Variants in ESRRG observed in about 807,000 individuals in gnomAD.
ESRRG encodes estrogen-related receptor gamma.
ESRRG carries 13 observed loss-of-function variants against 44.0 expected under a neutral mutation model. That is an observed-to-expected ratio of 0.30 (90% CI 0.19 to 0.47). The LOEUF is 0.47. ESRRG is among the 20% of genes least tolerant of loss of function. The pLI is 1.00. For missense variants in ESRRG, 395 were observed against 580.6 expected, an observed-to-expected ratio of 0.68 and a Z score of 3.29; for synonymous variants, 215 against 214.6, an observed-to-expected ratio of 1.00 and a Z score of -0.02.
intron 3 of ESRRG, among the ~76,000 whole-genome samples, chr1:216,622,969 G>A (rs2062524244): frequency 6.7e-6 from 1 of 148,252 alleles, no homozygotes; most frequent in African/African-American, 2.5e-5. Flanking sequence ...ATATCATCAT[G>A]TTTAAAATAT....
intron 3 of ESRRG, among the ~76,000 whole-genome samples, chr1:216,590,024 G>A (rs2149980652): frequency 6.6e-6 from 1 of 150,874 alleles, no homozygotes; most frequent in East Asian, 2.0e-4. Context: ...TGATATTACT[G>A]CAAGATAATA....
At chr1:216,863,804 C>G (rs1044009354) in intron 2 of ESRRG, 2 of 152,114 alleles carry the variant, frequency 1.3e-5, no homozygotes, top group Non-Finnish European at 2.9e-5. Flanking sequence ...ATAGACAGTA[C>G]CTATTTGCAG....
chr1:216,567,728 AT>A (rs1269632207), intron 4 of ESRRG, among the ~76,000 whole-genome samples: 1 of 152,220 alleles, frequency 6.6e-6, no homozygotes. Context: ...ATGTATTAAT[AT>A]GCTTATGCTT....
At chr1:216,894,455 A>G (rs1473850684) in intron 2 of ESRRG, among the ~76,000 whole-genome samples, 1 of 152,070 alleles carries the variant, frequency 6.6e-6, no homozygotes, top group African/African-American at 2.4e-5. Flanking sequence ...GGAGTGAATC[A>G]TCTATATTTA....
At chr1:217,109,906 C>A (rs1452341233) in intron 1 of ESRRG, among the ~76,000 whole-genome samples, 2 of 152,160 alleles carry the variant, frequency 1.3e-5, no homozygotes, top group African/African-American at 4.8e-5. Flanking sequence ...TTCTGGCTTC[C>A]AGAGCACACC....
intron 2 of ESRRG, among the ~76,000 whole-genome samples, chr1:216,800,112 T>A (rs2094574494): frequency 6.6e-6 from 1 of 152,158 alleles, no homozygotes; most frequent in Admixed American, 6.6e-5. Context: ...TAAGCTAACA[T>A]TGCAGGTAAA....
At position 216,913,586 on chromosome 1, in the gene ESRRG, C is replaced by T. The variant is rs79536289; in HGVS notation, c.-14+25996G>A. On this transcript the variant is annotated intron_variant, in intron 2 of 7. Coordinates refer to the ESRRG transcript ENST00000359162. ...CGAAGATAGGAGACGTGGGTCCAAG[C>T]GTGAGCGCTGCACTTTTTCCAAGCT... Among the ~76,000 whole-genome samples the T allele has an allele frequency of 4.2e-3, 643 of 152,340 alleles. 3 individuals carry two copies. The highest frequency in any genetic ancestry group is 0.014 in the African/African-American group (595 of 41,572).
chr1:216,675,673 T>G (rs187365529), intron 2 of ESRRG, among the ~76,000 whole-genome samples: 58 of 152,274 alleles, frequency 3.8e-4, no homozygotes, highest in African/African-American at 1.4e-3. Flanking sequence ...AAATGCAGAT[T>G]GCTAGGCCCA....
intron 5 of ESRRG, among the ~76,000 whole-genome samples, chr1:216,526,354 C>A (rs539431011): frequency 4.5e-4 from 69 of 152,018 alleles, no homozygotes; most frequent in Non-Finnish European, 9.0e-4. Flanking sequence ...ACTGTATCTT[C>A]ATAAAAAGGG....
intron 1 of ESRRG, among the ~76,000 whole-genome samples, chr1:216,976,888 A>T (rs1469475285): frequency 6.6e-6 from 1 of 152,142 alleles, no homozygotes; most frequent in African/African-American, 2.4e-5. Flanking sequence ...AGTTCATTAG[A>T]GGGAAAAGAA....
At chr1:216,610,064 A>G (rs933952249) in intron 3 of ESRRG, among the ~76,000 whole-genome samples, 2 of 152,238 alleles carry the variant, frequency 1.3e-5, no homozygotes, top group Admixed American at 1.3e-4. Flanking sequence ...TATTTGGTAC[A>G]GAGGCAGAGT....
chr1:216,975,282 C>A lies in ESRRG; in HGVS notation c.-105-35609G>T, dbSNP rs564901616. On this transcript the variant is annotated intron_variant, in intron 1 of 7. Transcript: ENST00000359162. The stretch of plus-strand genomic sequence containing the variant: ...ATAGTTCATATTCTTCTTTCAATGT[C>A]CTCTCTCTTACCAACCATTTTAAAT... Among the ~76,000 whole-genome samples the A allele has an allele frequency of 2.4e-4, 36 of 152,304 alleles. 2 individuals are homozygous for A. The East Asian group carries it at 2.9e-3, about 12-fold the overall frequency.
At chr1:216,851,651 G>A (rs1018642130) in intron 2 of ESRRG, among the ~76,000 whole-genome samples, 1 of 152,136 alleles carries the variant, frequency 6.6e-6, no homozygotes, top group Non-Finnish European at 1.5e-5. Context: ...TCAGCCTCCA[G>A]AACTGTAAGA....
rs538872605 is a variant in ESRRG, at chr1:217,004,243, A to G, written c.-105-64570T>C. 2.6e-4 allele frequency among the ~76,000 whole-genome samples: 39 copies of G among 152,308 alleles called. 1 individual carries two copies. The South Asian group carries it at 8.1e-3, about 32-fold the overall frequency. ...AAAGAAGAATGGATTACTGACTGAT[A>G]TGGTTTGGCTGTGTCCCCACCCAAA... On this transcript the variant is annotated intron_variant, in intron 1 of 7. Transcript: ENST00000359162.
intron 2 of ESRRG, among the ~76,000 whole-genome samples, chr1:216,939,351 A>AAAAAAAAC (rs2064764737): frequency 8.7e-6 from 1 of 114,744 alleles, no homozygotes; most frequent in African/African-American, 5.3e-5. Context: ...GACAAAAAAA[A>AAAAAAAAC]AAAAAAAAAA....
At chr1:216,839,031 T>C (rs1336007841) in intron 2 of ESRRG, among the ~76,000 whole-genome samples, 4 of 152,160 alleles carry the variant, frequency 2.6e-5, no homozygotes, top group Admixed American at 2.6e-4. Context: ...AAGATTATCC[T>C]GCACGCAGGG....
At chr1:217,074,042 T>C (rs368646172) in intron 1 of ESRRG, among the ~76,000 whole-genome samples, 86 of 151,426 alleles carry the variant, frequency 5.7e-4, no homozygotes, top group African/African-American at 2.0e-3. Context: ...AGTGTAATTA[T>C]GAATGCTTTT....
At chr1:216,724,254 C>T (rs1037131277), upstream of ESRRG, among the ~76,000 whole-genome samples, 1 of 151,926 alleles carries the variant, frequency 6.6e-6, no homozygotes, top group South Asian at 2.1e-4. Flanking sequence ...GGTAAACAGC[C>T]GCAGGACAAA....
intron 1 of ESRRG, among the ~76,000 whole-genome samples, chr1:216,720,268 A>G (rs2085931270): frequency 6.6e-6 from 1 of 152,130 alleles, no homozygotes; most frequent in Non-Finnish European, 1.5e-5. Flanking sequence ...AAGAATGCTC[A>G]CAACTAATTG....
Sources: allele counts gnomAD v4.1 joint callset (sites outside exome capture counted in the v4.1 genomes callset), GRCh38; gene constraint gnomAD v4.1.1; transcripts MANE v1.5; gene names NCBI Gene and HGNC (gene_info 2026-07-23, HGNC 2026-07-21).